The following IL16 variants were observed in gnomAD, a reference collection of about 807,000 sequenced individuals.
IL16 encodes the protein interleukin 16, also known as pro-interleukin-16.
IL16 carries 67 observed loss-of-function variants against 110.1 expected under a neutral mutation model. The ratio of observed to expected loss-of-function variants is 0.61; its 90% CI spans 0.50 to 0.75. IL16 has a LOEUF of 0.75. Among genes scored for constraint, IL16 ranks in the 30% least tolerant of loss-of-function variants. The probability of loss-of-function intolerance (pLI) is 0.00; values close to 1 mark genes in which losing one functional copy is unlikely to be tolerated. For synonymous variants in IL16, 689 were observed against 662.9 expected (o/e 1.04, Z -0.61); for missense variants, 1,545 against 1,655.0 (o/e 0.93, Z 1.15).
At chr15:81,268,083 G>A (rs1380966161) in intron 4 of IL16, among the ~76,000 whole-genome samples, 1 of 152,226 alleles carries the variant, frequency 6.6e-6, no homozygotes, top group Non-Finnish European at 1.5e-5. Context: ...ATCAGAGGAA[G>A]GTTGTTTCTG....
Position 81,234,827 on chromosome 15 carries a change from T to C in IL16, c.312+9116T>C, listed in dbSNP as rs80133372. Among the ~76,000 whole-genome samples, 44 of 152,328 alleles carry C rather than the reference T, an allele frequency of 2.9e-4. No individual in the cohort carries two copies. The East Asian group carries it at 8.5e-3, about 29-fold the overall frequency. ...AAAAGTTATAAGTCAAGGTAAAATATGTTAAAAATACATGTTCTACCTTCC... is the reference window on the plus strand; with the variant it reads ...AAAAGTTATAAGTCAAGGTAAAATACGTTAAAAATACATGTTCTACCTTCC... On this transcript the variant is annotated intron_variant, in intron 2 of 18. Coordinates refer to ENST00000683961, the MANE Select transcript of IL16 (RefSeq NM_172217.5).
At position 81,225,677 on chromosome 15, in the gene IL16, G is replaced by A. The variant is rs371174340; in HGVS notation, c.278G>A (p.Arg93Gln). 21 of 1,613,494 alleles carry A rather than the reference G, an allele frequency of 1.3e-5. No homozygotes were observed. Among genetic ancestry groups the A allele is most frequent in the African/African-American group, 1.1e-4 (8 of 74,910 alleles). The change falls in exon 2 of 19, where the codon CGA becomes CAA. Residue 93 changes from arginine (R) to glutamine (Q), a missense_variant. Coordinates refer to ENST00000683961, the MANE Select transcript of IL16 (RefSeq NM_172217.5). ...CAACTCCAAGCAGCTGGGAATGATC[G>A]AGGCAAGACCTGTAGGAGGATATTC... ...AAQLQAAGND[R>Q]GKTCRRIFFM...
Position 81,265,679 on chromosome 15 carries a change from A to T in IL16, c.442A>T (p.Arg148Ter). ...TTTAGGTGTTAATCCCTATTGCACA[A>T]GAGAAATTGATTTTCCAATGACCAA... ...NSTSVNPYCT[R>*]EIDFPMTKKS... The change falls in exon 4 of 19, where the codon AGA becomes TGA. Residue 148 changes from arginine to a stop codon, truncating the protein, a stop_gained. Transcript: ENST00000683961. LOFTEE classifies it high-confidence loss of function. 1.9e-6 allele frequency: 3 copies of T among 1,614,040 alleles called. No individual in the cohort carries two copies. Among genetic ancestry groups the T allele is most frequent in the Non-Finnish European group, 2.5e-6 (3 of 1,179,952 alleles).
rs1596009504 is a variant in IL16 at position 81,265,771 on chromosome 15, A to G, written c.534A>G (p.Gln178=). The part of the protein sequence containing the change: ...SLCSNRKSLS[Q]QLDCPAGKAA... The stretch of plus-strand genomic sequence containing the variant: ...GCAGTAACAGGAAGTCCCTCTCTCA[A>G]CAATTGGACTGTCCAGCAGGAAAGG... Residue 178 remains glutamine (Q), a synonymous_variant, in exon 4 of 19, where the codon CAA becomes CAG. Coordinates refer to ENST00000683961, the MANE Select transcript of IL16 (RefSeq NM_172217.5). 6.2e-7 allele frequency: 1 copy of G among 1,613,648 alleles called. No homozygotes were observed. The highest frequency in any genetic ancestry group is 2.2e-5 in the East Asian group (1 of 44,868).
chr15:81,221,161 C>T (rs1896602867), intron 1 of IL16, among the ~76,000 whole-genome samples: 1 of 151,950 alleles, frequency 6.6e-6, no homozygotes, highest in Admixed American at 6.6e-5. Flanking sequence ...GTGGGGAAGC[C>T]TCCAGGGAGT....
chr15:81,266,841 A>ACT (rs1898404073), intron 4 of IL16, among the ~76,000 whole-genome samples: 2 of 151,774 alleles, frequency 1.3e-5, no homozygotes, highest in Non-Finnish European at 2.9e-5. Flanking sequence ...TCACCAACTG[A>ACT]CTCTCCCAAG....
chr15:81,266,915 A>T (rs1325983757), intron 4 of IL16, among the ~76,000 whole-genome samples: 1 of 152,114 alleles, frequency 6.6e-6, no homozygotes, highest in East Asian at 1.9e-4. Flanking sequence ...AGTGAATTTC[A>T]TCTCTCTCTT....
intron 1 of IL16, among the ~76,000 whole-genome samples, chr15:81,190,642 T>C (rs1250018453): frequency 6.6e-6 from 1 of 152,148 alleles, no homozygotes; most frequent in Non-Finnish European, 1.5e-5. Context: ...AGCTGTTCCA[T>C]GGTGAGCAGG....
At chr15:81,222,614 C>A (rs1323226847) in intron 1 of IL16, among the ~76,000 whole-genome samples, 1 of 152,072 alleles carries the variant, frequency 6.6e-6, no homozygotes, top group East Asian at 1.9e-4. Context: ...TCGCCCTCAG[C>A]ATCCCCATGT....
At position 81,225,542 on chromosome 15, in the gene IL16, C is replaced by T; in HGVS notation, c.143C>T (p.Ser48Phe). 2 of 1,614,162 alleles carry T rather than the reference C, an allele frequency of 1.2e-6. No individual in the cohort carries two copies. The highest frequency in any genetic ancestry group is 1.3e-5 in the African/African-American group (1 of 75,034). Residue 48 changes from serine (S) to phenylalanine (F), a missense_variant, in exon 2 of 19, where the codon TCC becomes TTC. Ser to Phe is a radical substitution (Grantham distance 155, BLOSUM62 -2). Around this residue, in one of 3 missense-constraint regions of IL16, gnomAD observed 1,185 missense variants for 1,238.8 expected, o/e 0.96. Transcript: ENST00000683961. ...AAATATCCTGATCCCTTTGAGATTTCCTTGGCCCAGGGCAAGGAGGGAATT... is the reference window on the plus strand; with the variant it reads ...AAATATCCTGATCCCTTTGAGATTTTCTTGGCCCAGGGCAAGGAGGGAATT... ...DEKYPDPFEISLAQGKEGIFH... is the reference protein window; with the variant it reads ...DEKYPDPFEIFLAQGKEGIFH...
intron 2 of IL16, among the ~76,000 whole-genome samples, chr15:81,233,824 T>G (rs1474546137): frequency 1.3e-5 from 2 of 152,030 alleles, no homozygotes; most frequent in South Asian, 4.2e-4. Context: ...TTTCCCAATC[T>G]TTTTTAACTT....
intron 13 of IL16, among the ~76,000 whole-genome samples, chr15:81,297,373 C>T (rs567577476): frequency 1.3e-5 from 2 of 152,204 alleles, no homozygotes; most frequent in South Asian, 4.1e-4. Flanking sequence ...AAGACACACC[C>T]ACCCAGCCAT....
intron 2 of IL16, among the ~76,000 whole-genome samples, chr15:81,249,982 T>A (rs530745012): frequency 3.3e-5 from 5 of 152,354 alleles, no homozygotes; most frequent in African/African-American, 7.2e-5. Context: ...ATAATTTTTT[T>A]AAATTTTGTG....
In IL16 at chr15:81,292,926, C is replaced by T; in HGVS notation, c.1791C>T (p.Pro597=). The change falls in exon 12 of 19, where the codon CCC becomes CCT. Residue 597 remains proline (P), a synonymous_variant. Coordinates refer to ENST00000683961, the MANE Select transcript of IL16 (RefSeq NM_172217.5). ...ILVRKPMSSK[P]KPPPRKYFKS... is the part of the protein sequence containing the mutation. ...TGAGAAAGCCTATGTCCTCCAAGCC[C>T]AAGCCTCCACCCAGAAAATACTTTA... 1.2e-6 allele frequency: 2 copies of T among 1,614,198 alleles called. No homozygotes were observed. The highest frequency in any genetic ancestry group is 1.7e-6 in the Non-Finnish European group (2 of 1,180,042).
chr15:81,192,169 G>A (rs1895507679), upstream of IL16, among the ~76,000 whole-genome samples: 1 of 152,178 alleles, frequency 6.6e-6, no homozygotes, highest in African/African-American at 2.4e-5. Context: ...TTGTAAAAAG[G>A]TACCACGCCA....
At chr15:81,216,967 A>G (rs926347886) in intron 1 of IL16, among the ~76,000 whole-genome samples, 1 of 152,240 alleles carries the variant, frequency 6.6e-6, no homozygotes, top group African/African-American at 2.4e-5. Flanking sequence ...ATGATATGCT[A>G]TCATTTCTAA....
chr15:81,200,092 A>G (rs1032537356), intron 1 of IL16, among the ~76,000 whole-genome samples: 2 of 152,218 alleles, frequency 1.3e-5, no homozygotes, highest in African/African-American at 4.8e-5. Flanking sequence ...TTTTTCTAAA[A>G]CAAAAAAAGA....
chr15:81,302,708 T>G (rs758044487), intron 15 of IL16, among the ~76,000 whole-genome samples: 4 of 152,164 alleles, frequency 2.6e-5, no homozygotes, highest in Non-Finnish European at 5.9e-5. Flanking sequence ...CTTTATTTGG[T>G]CTGCATGGTG....
At chr15:81,196,066 G>A (rs374086373), upstream of IL16, among the ~76,000 whole-genome samples, 7 of 152,362 alleles carry the variant, frequency 4.6e-5, no homozygotes, top group African/African-American at 1.7e-4. Context: ...GCTGCTTCAG[G>A]AGGTCTAGGC....
Sources: gnomAD v4.1 joint callset for allele counts (sites outside exome capture counted in the v4.1 genomes callset) on GRCh38, gnomAD v4.1.1 for gene constraint, gnomAD v4.1.1 regional missense constraint, MANE v1.5 for transcripts, NCBI Gene and HGNC (gene_info 2026-07-23, HGNC 2026-07-21) for gene names.